The following RHOBTB2 variants were observed in gnomAD, a reference collection of about 807,000 sequenced individuals.
RHOBTB2 encodes rho-related BTB domain-containing protein 2.
Under a neutral mutation model 66.5 loss-of-function variants are expected in RHOBTB2, and 39 were observed. That is an observed-to-expected ratio of 0.59 (90% CI 0.45 to 0.77). RHOBTB2 has a LOEUF of 0.77. Among genes scored for constraint, RHOBTB2 ranks in the 30% least tolerant of loss-of-function variants. RHOBTB2 has a pLI of 0.00. For synonymous variants in RHOBTB2, 390 were observed against 395.0 expected (o/e 0.99, Z 0.15); for missense variants, 755 against 999.1 (o/e 0.76, Z 3.29).
chr8:22,966,956 G>A, the RHOBTB2 span, among the ~76,000 whole-genome samples: 270 of 152,270 alleles, frequency 1.8e-3, 4 homozygotes, highest in Non-Finnish European at 4.0e-4. Flanking sequence ...TACTGATGGG[G>A]ATGGAAAATG....
upstream of RHOBTB2, chr8:22,995,965 GC>G: frequency 7.4e-7 from 1 of 1,354,578 alleles, no homozygotes; most frequent in Non-Finnish European, 1.0e-6. Flanking sequence ...ACTGAGCCAG[GC>G]GGTCTGCGTT....
upstream of RHOBTB2, chr8:22,987,360 A>G (rs1347526577): frequency 3.3e-5 from 5 of 152,430 alleles, no homozygotes; most frequent in Admixed American, 2.6e-4. Context: ...GGCTTTGCAC[A>G]GCCCTGGAGG....
In RHOBTB2 at chr8:23,005,479, G is replaced by A. The variant is rs1174913204; in HGVS notation, c.296+4G>A. 1.2e-6 allele frequency: 2 copies of A among 1,604,758 alleles called. No homozygotes were observed. Among genetic ancestry groups the A allele is most frequent in the East Asian group, 4.5e-5 (2 of 44,846 alleles). On this transcript the variant is annotated splice_donor_region_variant and intron_variant, in intron 3 of 9. Transcript: ENST00000251822. ...ACCGTCGCTTTGCTTATGGGAGGTA[G>A]GGAAGGCCTCTAGCCGCCTGCAGAG...
chr8:22,960,568 C>T, the RHOBTB2 span, among the ~76,000 whole-genome samples: 1 of 152,204 alleles, frequency 6.6e-6, no homozygotes, highest in African/African-American at 2.4e-5. Context: ...ATCCACTCAC[C>T]TCAGCCTCCC....
At chr8:22,959,799 G>T in the RHOBTB2 span, among the ~76,000 whole-genome samples, 1 of 152,010 alleles carries the variant, frequency 6.6e-6, no homozygotes, top group East Asian at 1.9e-4. Flanking sequence ...AAGGTTTATT[G>T]GATGCCAGAT....
At chr8:23,011,665 T>TG (rs1312957581) in intron 7 of RHOBTB2, among the ~76,000 whole-genome samples, 1 of 152,160 alleles carries the variant, frequency 6.6e-6, no homozygotes, top group African/African-American at 2.4e-5. Context: ...GAAGGGAGCC[T>TG]GGGGCCAGAG....
At chr8:22,984,314 T>A (rs1017191912), upstream of RHOBTB2, among the ~76,000 whole-genome samples, 1 of 152,180 alleles carries the variant, frequency 6.6e-6, no homozygotes, top group African/African-American at 2.4e-5. Context: ...CTGGCTCTGT[T>A]GGAGAGGTCG....
At chr8:22,953,273 T>G in the RHOBTB2 span, among the ~76,000 whole-genome samples, 3 of 152,218 alleles carry the variant, frequency 2.0e-5, no homozygotes, top group Non-Finnish European at 4.4e-5. Context: ...TCCCAACTCC[T>G]AAGATCTTAT....
the RHOBTB2 span, among the ~76,000 whole-genome samples, chr8:22,964,906 T>G: frequency 1.3e-5 from 2 of 152,078 alleles, no homozygotes. Flanking sequence ...AACCTCCACC[T>G]CCTGGGTTCA....
At chr8:23,005,557 G>A (rs1459162463) in intron 3 of RHOBTB2, 82 bp downstream of exon 3, 2 of 957,342 alleles carry the variant, frequency 2.1e-6, no homozygotes, top group Non-Finnish European at 1.7e-6. Context: ...GCACCTCTGT[G>A]AAATTTCAGC....
the RHOBTB2 span, among the ~76,000 whole-genome samples, chr8:22,964,990 T>C: frequency 6.6e-6 from 1 of 151,962 alleles, no homozygotes; most frequent in African/African-American, 2.4e-5. Context: ...CTAATTTTTG[T>C]ATTTTTAGTA....
At chr8:22,951,310 G>C in the RHOBTB2 span, among the ~76,000 whole-genome samples, 1 of 141,312 alleles carries the variant, frequency 7.1e-6, no homozygotes. Context: ...GGAGTGCAGT[G>C]GCGCGATCTC....
chr8:23,015,452 A>G (rs1001162029), intron 8 of RHOBTB2, among the ~76,000 whole-genome samples, 186 bp from the exon 9 acceptor site: 1 of 152,030 alleles, frequency 6.6e-6, no homozygotes, highest in Non-Finnish European at 1.5e-5. Flanking sequence ...GGTGGTGCCA[A>G]GGAGCCTGAG....
chr8:22,999,627 T>C lies in RHOBTB2; in HGVS notation c.-489T>C. 8.0e-7 allele frequency: 1 copy of C among 1,244,062 alleles called. No homozygotes were observed. Among genetic ancestry groups the C allele is most frequent in the Non-Finnish European group, 1.0e-6 (1 of 971,938 alleles). 77.1% of individuals were successfully genotyped at this position (1,244,062 alleles called of 1,614,324 possible). On this transcript the variant is annotated 5_prime_UTR_variant, in exon 1 of 10. Transcript: ENST00000251822. ...CCCTCCCGTTTTTTTCTTTTCTTTT[T>C]TTTTTCCCTATCCTTTTTTTGTGAA...
the RHOBTB2 span, among the ~76,000 whole-genome samples, chr8:22,952,673 AG>A: frequency 6.6e-6 from 1 of 152,132 alleles, no homozygotes; most frequent in Non-Finnish European, 1.5e-5. Flanking sequence ...GGGAGGCCGA[AG>A]GCAGGTGGAT....
chr8:23,008,214 T>A, intron 6 of RHOBTB2, 103 bp downstream of exon 6: 1 of 796,438 alleles, frequency 1.3e-6, no homozygotes, highest in Non-Finnish European at 2.1e-6. Flanking sequence ...GACTGTGTGC[T>A]AACCACAGGG....
chr8:22,977,411 C>A, the RHOBTB2 span, among the ~76,000 whole-genome samples: 2 of 151,874 alleles, frequency 1.3e-5, no homozygotes, highest in African/African-American at 4.8e-5. Context: ...AAAACCCCGT[C>A]TCTACAAAAC....
Position 23,003,372 on chromosome 8 carries a change from G to A in RHOBTB2, c.-10-1053G>A, listed in dbSNP as rs1031566985. Among the ~76,000 whole-genome samples, 19 of 152,178 alleles carry A rather than the reference G, an allele frequency of 1.2e-4. 1 individual carries two copies. Among genetic ancestry groups the A allele is most frequent in the African/African-American group, 2.9e-4 (12 of 41,430 alleles). On this transcript the variant is annotated intron_variant, in intron 1 of 9. Coordinates refer to ENST00000251822, the MANE Select transcript of RHOBTB2 (RefSeq NM_015178.3). The stretch of plus-strand genomic sequence containing the variant: ...AGCCACTTCCTCTCTGCTCAACATC[G>A]AAGGCAACTGAGGCAAGCATTTGCC...
chr8:23,009,185 A>AGAGAGAG (rs1554504931), intron 6 of RHOBTB2, among the ~76,000 whole-genome samples: 2 of 143,110 alleles, frequency 1.4e-5, no homozygotes, highest in African/African-American at 2.6e-5. Context: ...AGAGAGAGAG[A>AGAGAGAG]AAAGAAGGAA....
Sources: allele counts gnomAD v4.1 joint callset (sites outside exome capture counted in the v4.1 genomes callset), GRCh38; gene constraint gnomAD v4.1.1; transcripts MANE v1.5; gene names NCBI Gene and HGNC (gene_info 2026-07-23, HGNC 2026-07-21).